TNKS: variants seen among roughly 807,000 people sequenced by gnomAD.
TNKS encodes the protein tankyrase.
TNKS carries 72 observed loss-of-function variants against 135.8 expected under a neutral mutation model. That is an observed-to-expected ratio of 0.53 (90% CI 0.44 to 0.64). The LOEUF is 0.64. Among genes scored for constraint, TNKS ranks in the 30% least tolerant of loss-of-function variants. TNKS has a pLI of 0.00. For missense variants in TNKS, 1,769 were observed against 1,674.0 expected, an observed-to-expected ratio of 1.06 and a Z score of -0.99; for synonymous variants, 849 against 649.3, an observed-to-expected ratio of 1.31 and a Z score of -4.68.
chr8:9,559,279 A>G (rs1797228311), intron 1 of TNKS, among the ~76,000 whole-genome samples: 1 of 152,176 alleles, frequency 6.6e-6, no homozygotes, highest in Admixed American at 6.5e-5. Context: ...TCCTTGTTTT[A>G]GAGCAGTTAA....
intron 2 of TNKS, among the ~76,000 whole-genome samples, chr8:9,598,567 A>G (rs1237995463): frequency 6.6e-6 from 1 of 151,140 alleles, no homozygotes; most frequent in Admixed American, 6.6e-5. Context: ...ATGGTGGTGC[A>G]TGCCTGTAGT....
At chr8:9,660,587 CAAAAT>C (rs1319595993) in intron 3 of TNKS, among the ~76,000 whole-genome samples, 1 of 152,150 alleles carries the variant, frequency 6.6e-6, no homozygotes, top group Non-Finnish European at 1.5e-5. Flanking sequence ...GGACGTATCT[CAAAAT>C]AATAAGAGCT....
intron 3 of TNKS, among the ~76,000 whole-genome samples, chr8:9,634,404 A>G (rs1340299480): frequency 6.6e-6 from 1 of 152,242 alleles, no homozygotes; most frequent in Non-Finnish European, 1.5e-5. Flanking sequence ...TTTTGAACGT[A>G]ATTCTTTGAC....
At chr8:9,622,767 C>G (rs954434640) in intron 3 of TNKS, among the ~76,000 whole-genome samples, 4 of 152,214 alleles carry the variant, frequency 2.6e-5, no homozygotes, top group East Asian at 1.9e-4. Context: ...CAGTAAGACT[C>G]ATCATCATAT....
chr8:9,767,635 C>T (rs759549680), intron 25 of TNKS, among the ~76,000 whole-genome samples: 7 of 152,078 alleles, frequency 4.6e-5, no homozygotes, highest in Admixed American at 1.3e-4. Context: ...AGGAAACTTC[C>T]TTCCATTAAG....
In TNKS at chr8:9,735,391, C is replaced by G. The variant is rs932490196; in HGVS notation, c.2548C>G (p.Leu850Val). 4 of 1,613,674 alleles carry G rather than the reference C, an allele frequency of 2.5e-6. No homozygotes were observed. The highest frequency in any genetic ancestry group is 1.7e-5 in the Admixed American group (1 of 59,946). ...ACTCTAAATAGCAGGCTATAATAAC[C>G]TGGAAGTAGCTGAATATCTTCTAGA... ...PLHLAAGYNN[L>V]EVAEYLLEHG... The change falls in exon 17 of 27, where the codon CTG becomes GTG. Residue 850 changes from leucine (L) to valine (V), a missense_variant. Coordinates refer to ENST00000310430, the MANE Select transcript of TNKS (RefSeq NM_003747.3).
At chr8:9,667,448 C>T (rs1023363883) in intron 3 of TNKS, among the ~76,000 whole-genome samples, 1 of 152,196 alleles carries the variant, frequency 6.6e-6, no homozygotes, top group Non-Finnish European at 1.5e-5. Flanking sequence ...CTACTGAGGG[C>T]TGAAGTTTTG....
intron 5 of TNKS, among the ~76,000 whole-genome samples, chr8:9,700,134 G>A (rs1168139857): frequency 3.3e-5 from 5 of 151,772 alleles, no homozygotes; most frequent in African/African-American, 1.2e-4. Context: ...AGCCTTCCCG[G>A]GTGTCCTGAA....
At chr8:9,680,259 A>G (rs867800781) in intron 4 of TNKS, among the ~76,000 whole-genome samples, 5 of 152,168 alleles carry the variant, frequency 3.3e-5, no homozygotes, top group Non-Finnish European at 7.4e-5. Context: ...TTCTTGGAGT[A>G]TTTAAATACC....
intron 1 of TNKS, 112 bp downstream of exon 1, chr8:9,556,724 C>T (rs750102192): frequency 8.0e-7 from 1 of 1,254,852 alleles, no homozygotes; most frequent in East Asian, 2.4e-5. Flanking sequence ...GGTTATGGTT[C>T]TTCATCACCT....
Position 9,556,077 on chromosome 8 carries a change from C to G in TNKS, c.138C>G (p.Ala46=). ...GCCTGGCCCCGGGGACCACCCCAGCCTCTCCCACGGCCAGCGGCCTGGCCC... is the reference window on the plus strand; with the variant it reads ...GCCTGGCCCCGGGGACCACCCCAGCGTCTCCCACGGCCAGCGGCCTGGCCC... ...SPGLAPGTTP[A]SPTASGLAPF... is the part of the protein sequence containing the mutation. The change falls in exon 1 of 27, where the codon GCC becomes GCG. Residue 46 remains alanine, a synonymous_variant. Transcript: ENST00000310430. 1.2e-6 allele frequency: 2 copies of G among 1,606,278 alleles called. No individual in the cohort carries two copies. Among genetic ancestry groups the G allele is most frequent in the Non-Finnish European group, 1.7e-6 (2 of 1,177,020 alleles).
chr8:9,763,116 T>C (rs770105737), intron 21 of TNKS, 31 bp from the exon 22 acceptor site: 2 of 1,304,476 alleles, frequency 1.5e-6, no homozygotes, highest in Admixed American at 1.8e-5. Flanking sequence ...TGTAGACTTT[T>C]GTTTTATATG....
intron 2 of TNKS, among the ~76,000 whole-genome samples, chr8:9,583,973 G>A (rs944639873): frequency 6.6e-6 from 1 of 151,522 alleles, no homozygotes; most frequent in South Asian, 2.1e-4. Context: ...GACCATCCTG[G>A]CTAACACAGT....
rs181619500 is a variant in TNKS, at chr8:9,600,780, A to T, written c.899-14802A>T. Among the ~76,000 whole-genome samples, 55 of 152,292 alleles carry T rather than the reference A, an allele frequency of 3.6e-4. No homozygotes were observed. In the East Asian group the frequency reaches 0.01, roughly 29 times the overall value. On this transcript the variant is annotated intron_variant, in intron 2 of 26. Coordinates refer to ENST00000310430, the MANE Select transcript of TNKS (RefSeq NM_003747.3). ...GAATTCTGAATTTTGGGTCACTTTT[A>T]TATGAAAGACAAAGACTTTCATATA...
chr8:9,609,796 C>A (rs1799377205), intron 2 of TNKS, among the ~76,000 whole-genome samples: 1 of 152,138 alleles, frequency 6.6e-6, no homozygotes, highest in Admixed American at 6.5e-5. Context: ...CATTTGAATT[C>A]TAATTTAAAT....
intron 20 of TNKS, among the ~76,000 whole-genome samples, chr8:9,758,020 A>G (rs1302534830): frequency 6.6e-6 from 1 of 152,188 alleles, no homozygotes; most frequent in Non-Finnish European, 1.5e-5. Context: ...TCATCCTTTT[A>G]AAGAATATAA....
chr8:9,623,099 A>G (rs1210212843), intron 3 of TNKS, among the ~76,000 whole-genome samples: 4 of 152,178 alleles, frequency 2.6e-5, no homozygotes, highest in African/African-American at 4.8e-5. Context: ...GTATTCACCT[A>G]TTTTCAGACT....
intron 13 of TNKS, among the ~76,000 whole-genome samples, chr8:9,729,156 A>G (rs1464139955): frequency 1.3e-5 from 2 of 152,158 alleles, no homozygotes; most frequent in Non-Finnish European, 2.9e-5. Context: ...AAACGGCCAA[A>G]TGCTGTGTGA....
intron 1 of TNKS, chr8:9,558,930 A>G (rs1797202048): frequency 6.6e-6 from 1 of 152,178 alleles, no homozygotes; most frequent in South Asian, 2.1e-4. Context: ...CTGAGAAATG[A>G]AAAAAATTAT....
Sources: gnomAD v4.1 joint callset for allele counts (sites outside exome capture counted in the v4.1 genomes callset) on GRCh38, gnomAD v4.1.1 for gene constraint, MANE v1.5 for transcripts, NCBI Gene and HGNC (gene_info 2026-07-23, HGNC 2026-07-21) for gene names.